Variants in PAFAH1B1 observed in about 807,000 individuals in gnomAD.
PAFAH1B1 encodes the protein platelet activating factor acetylhydrolase 1b regulatory subunit 1, also known as platelet-activating factor acetylhydrolase IB subunit beta.
PAFAH1B1 carries 2 observed loss-of-function variants against 57.5 expected under a neutral mutation model. The ratio of observed to expected loss-of-function variants is 0.03; its 90% CI spans 0.01 to 0.11. The LOEUF is 0.11. Among genes scored for constraint, PAFAH1B1 ranks in the 10% least tolerant of loss-of-function variants. The pLI is 1.00. For synonymous variants in PAFAH1B1, 152 were observed against 169.6 expected, an observed-to-expected ratio of 0.90 and a Z score of 0.81; for missense variants, 257 against 512.0, an observed-to-expected ratio of 0.50 and a Z score of 4.81.
In PAFAH1B1 at chr17:2,667,052, C is replaced by T. The variant is rs139434124; in HGVS notation, c.253C>T (p.Leu85Phe). 1.9e-6 allele frequency: 3 copies of T among 1,613,874 alleles called. No individual in the cohort carries two copies. The African/African-American group carries it at 4.0e-5, about 22-fold the overall frequency. Residue 85 changes from leucine (L) to phenylalanine (F), a missense_variant, in exon 5 of 11, where the codon CTT (leucine) becomes TTT (phenylalanine). By Grantham distance (22) the Leu-to-Phe change is conservative. Coordinates refer to ENST00000397195, the MANE Select transcript of PAFAH1B1 (RefSeq NM_000430.4). ...AKEEFTSGGP[L>F]GQKRDPKEWI... ...AGAAGAATTTACGTCAGGTGGACCT[C>T]TTGGTCAGAAACGAGACCCAAAAGA...
chr17:2,644,813 C>T (rs2068745043), intron 2 of PAFAH1B1, among the ~76,000 whole-genome samples: 2 of 152,116 alleles, frequency 1.3e-5, no homozygotes, highest in African/African-American at 4.8e-5. Flanking sequence ...GTCACACTAC[C>T]TTCATAATCA....
At position 2,670,213 on chromosome 17, in the gene PAFAH1B1, A is replaced by C. The variant is rs761226380; in HGVS notation, c.450A>C (p.Thr150=). Residue 150 remains threonine, a synonymous_variant, in exon 6 of 11, where the codon ACA becomes ACC. Transcript: ENST00000397195. The stretch of plus-strand genomic sequence containing the variant: ...TTGAACGAACTCTTAAAGGACATAC[A>C]GACTCTGTACAGGACATTTCATTCG... ...GDFERTLKGH[T]DSVQDISFDH... is the part of the protein sequence containing the mutation. 4 of 1,614,018 alleles carry C rather than the reference A, an allele frequency of 2.5e-6. No homozygotes were observed. The African/African-American group carries it at 4.0e-5, about 16-fold the overall frequency.
At chr17:2,666,730 C>T (rs1009149738) in intron 4 of PAFAH1B1, among the ~76,000 whole-genome samples, 5 of 152,176 alleles carry the variant, frequency 3.3e-5, no homozygotes, top group African/African-American at 1.2e-4. Context: ...TCACCAGATA[C>T]AAATCGAAAT....
At chr17:2,644,860 AAG>A (rs1317974776) in intron 2 of PAFAH1B1, among the ~76,000 whole-genome samples, 1 of 152,164 alleles carries the variant, frequency 6.6e-6, no homozygotes, top group Non-Finnish European at 1.5e-5. Flanking sequence ...TATGGCCCAA[AAG>A]AGAGCTTTTA....
chr17:2,601,405 G>T (rs567029592), intron 1 of PAFAH1B1, among the ~76,000 whole-genome samples: 23 of 151,492 alleles, frequency 1.5e-4, no homozygotes, highest in African/African-American at 4.8e-4. Flanking sequence ...AGTGCTAGGA[G>T]TACAGGCATG....
chr17:2,656,320 T>A (rs1454125058), intron 2 of PAFAH1B1, among the ~76,000 whole-genome samples: 1 of 152,106 alleles, frequency 6.6e-6, no homozygotes, highest in Non-Finnish European at 1.5e-5. Flanking sequence ...CATGGTGGCA[T>A]GTGCCTGTAG....
At chr17:2,653,708 ATAAC>A (rs1302848672) in intron 2 of PAFAH1B1, among the ~76,000 whole-genome samples, 3 of 152,214 alleles carry the variant, frequency 2.0e-5, no homozygotes, top group Non-Finnish European at 2.9e-5. Flanking sequence ...AAATAAGACT[ATAAC>A]TATAATCTAA....
chr17:2,630,035 A>T (rs1421326614), intron 1 of PAFAH1B1, among the ~76,000 whole-genome samples: 1 of 152,202 alleles, frequency 6.6e-6, no homozygotes, highest in African/African-American at 2.4e-5. Context: ...GTTCTTACTC[A>T]GTCTGCAGTT....
intron 1 of PAFAH1B1, chr17:2,613,829 G>A: frequency 3.7e-6 from 1 of 266,754 alleles, no homozygotes; most frequent in Non-Finnish European, 7.5e-6. Flanking sequence ...CTCGGGCAGG[G>A]GCAGGAATCC....
At position 2,626,567 on chromosome 17, in the gene PAFAH1B1, C is replaced by G. The variant is rs796471101; in HGVS notation, c.-190-11532C>G. On this transcript the variant is annotated intron_variant, in intron 1 of 10. Transcript: ENST00000397195. ...ATCACCTTTCTTCCCCCCCCCCCCC[C>G]CCCCGAGGCGGAGTCTTGTTCTGTC... Among the ~76,000 whole-genome samples, 29 of 71,992 alleles carry G rather than the reference C, an allele frequency of 4.0e-4. 3 individuals carry two copies. In the South Asian group the frequency reaches 6.6e-3, roughly 16 times the overall value. 47.2% of individuals were successfully genotyped at this position (71,992 alleles called of 152,430 possible).
chr17:2,624,814 A>G (rs1165552237), intron 1 of PAFAH1B1, among the ~76,000 whole-genome samples: 6 of 152,146 alleles, frequency 3.9e-5, no homozygotes, highest in Non-Finnish European at 7.3e-5. Context: ...AAATATTGGA[A>G]TTACAGGCTT....
chr17:2,665,614 AT>A (rs1352875212), intron 3 of PAFAH1B1, among the ~76,000 whole-genome samples, 158 bp downstream of exon 3: 2 of 149,818 alleles, frequency 1.3e-5, no homozygotes, highest in African/African-American at 2.5e-5. Context: ...TTTTATTTTA[AT>A]TTTTGAGATG....
At chr17:2,614,637 T>G (rs903709601) in intron 1 of PAFAH1B1, among the ~76,000 whole-genome samples, 2 of 152,136 alleles carry the variant, frequency 1.3e-5, no homozygotes, top group African/African-American at 4.8e-5. Context: ...TGCAGTGGTG[T>G]CATCATGGCT....
At chr17:2,599,176 G>A (rs558206119) in intron 1 of PAFAH1B1, among the ~76,000 whole-genome samples, 2 of 152,240 alleles carry the variant, frequency 1.3e-5, no homozygotes, top group South Asian at 2.1e-4. Flanking sequence ...ATTTTCATTT[G>A]TTCTTCTGCC....
intron 7 of PAFAH1B1, 25 bp from the exon 8 acceptor site, chr17:2,674,035 T>G (rs1199199806): frequency 6.7e-7 from 1 of 1,486,324 alleles, no homozygotes; most frequent in Non-Finnish European, 9.4e-7. Context: ...TCATTCACAG[T>G]GTAAGTTATT....
At chr17:2,630,323 G>A (rs1489122620) in intron 1 of PAFAH1B1, among the ~76,000 whole-genome samples, 1 of 152,098 alleles carries the variant, frequency 6.6e-6, no homozygotes, top group Non-Finnish European at 1.5e-5. Context: ...AATTCTCTCA[G>A]CATTTGTTTG....
At chr17:2,628,835 G>A (rs928929335) in intron 1 of PAFAH1B1, among the ~76,000 whole-genome samples, 2 of 152,100 alleles carry the variant, frequency 1.3e-5, no homozygotes, top group African/African-American at 4.8e-5. Context: ...GTTTTTCCAA[G>A]AATTTATCCA....
At chr17:2,597,989 A>G (rs2068103065) in intron 1 of PAFAH1B1, among the ~76,000 whole-genome samples, 1 of 151,946 alleles carries the variant, frequency 6.6e-6, no homozygotes. Flanking sequence ...GCTCACACTT[A>G]CACTCCCAGA....
intron 1 of PAFAH1B1, among the ~76,000 whole-genome samples, chr17:2,633,845 T>A (rs1028062427): frequency 6.6e-6 from 1 of 152,140 alleles, no homozygotes; most frequent in African/African-American, 2.4e-5. Context: ...GAACTGTTAC[T>A]TTCAGCCTCA....
Sources: gnomAD v4.1 joint callset for allele counts (sites outside exome capture counted in the v4.1 genomes callset) on GRCh38, gnomAD v4.1.1 for gene constraint, MANE v1.5 for transcripts, NCBI Gene and HGNC (gene_info 2026-07-23, HGNC 2026-07-21) for gene names.